CRLF3: variants seen among roughly 807,000 people sequenced by gnomAD.
The protein encoded by CRLF3 is cytokine receptor like factor 3, also known as cytokine receptor-like factor 3.
In CRLF3, 33 loss-of-function variants were observed where a neutral mutation model predicts 55.0. The observed-to-expected ratio is 0.60, with a 90% CI of 0.46 to 0.80. The LOEUF is 0.80. Ranked by LOEUF, CRLF3 falls within the 30% of genes least tolerant of loss-of-function variation. The probability of loss-of-function intolerance (pLI) is 0.00; values close to 1 mark genes in which losing one functional copy is unlikely to be tolerated. For synonymous variants in CRLF3, 238 were observed against 196.8 expected (o/e 1.21, Z -1.75); for missense variants, 494 against 538.4 (o/e 0.92, Z 0.82).
rs938087116 is a variant in CRLF3 at position 30,782,785 on chromosome 17, T to C, written c.*1402A>G. ...TAAACAAGTGGAAATCTACTACTTA[T>C]ATATAAAAAGACAAGTAGAAAAGGT... On this transcript the variant is annotated 3_prime_UTR_variant, in exon 8 of 8. Coordinates refer to ENST00000324238, the MANE Select transcript of CRLF3 (RefSeq NM_015986.4). 6 of 152,160 alleles carry C rather than the reference T, an allele frequency of 3.9e-5. No homozygotes were observed. Among genetic ancestry groups the C allele is most frequent in the Admixed American group, 1.3e-4 (2 of 15,268 alleles). 9.4% of individuals were successfully genotyped at this position (152,160 alleles called of 1,614,324 possible).
At position 30,800,495 on chromosome 17, in the gene CRLF3, T is replaced by C. The variant is rs978879596; in HGVS notation, c.338-3097A>G. 2.6e-5 allele frequency among the ~76,000 whole-genome samples: 4 copies of C among 152,118 alleles called. No homozygotes were observed. The South Asian group carries it at 8.3e-4, about 31-fold the overall frequency. The stretch of plus-strand genomic sequence containing the variant: ...CCACTATTTATTCAGAATCCAAAAG[T>C]AGGCTGATTTTTGTTATCACAAATC... On this transcript the variant is annotated intron_variant, in intron 2 of 7. Transcript: ENST00000324238.
chr17:30,820,181 T>C (rs1210492753), intron 1 of CRLF3, among the ~76,000 whole-genome samples: 1 of 152,126 alleles, frequency 6.6e-6, no homozygotes, highest in African/African-American at 2.4e-5. Context: ...TAACAGACAA[T>C]CCTTGCATTC....
intron 1 of CRLF3, 71 bp downstream of exon 1, chr17:30,824,452 C>G: frequency 6.8e-7 from 1 of 1,475,350 alleles, no homozygotes; most frequent in South Asian, 1.3e-5. Context: ...CCCTCAAAGC[C>G]CTCCCAGCCT....
In CRLF3 at chr17:30,783,891, A is replaced by T. The variant is rs1024957902; in HGVS notation, c.*296T>A. 4 of 248,902 alleles carry T rather than the reference A, an allele frequency of 1.6e-5. No homozygotes were observed. The highest frequency in any genetic ancestry group is 2.3e-5 in the Non-Finnish European group (3 of 130,014). 15.4% of individuals were successfully genotyped at this position (248,902 alleles called of 1,614,324 possible). On this transcript the variant is annotated 3_prime_UTR_variant, in exon 8 of 8. Coordinates refer to ENST00000324238, the MANE Select transcript of CRLF3 (RefSeq NM_015986.4). ...CCTGGTCTAATAACCAACTTTGAGA[A>T]GTACAGTGGAAGGGTATAGAACTTC... is the stretch of plus-strand genomic sequence containing the variant.
intron 4 of CRLF3, among the ~76,000 whole-genome samples, chr17:30,794,207 G>A (rs922067207): frequency 2.0e-5 from 3 of 152,126 alleles, no homozygotes; most frequent in African/African-American, 7.2e-5. Flanking sequence ...CTCCTTTGAA[G>A]AAATGGCATG....
chr17:30,798,323 A>G (rs1213084025), intron 2 of CRLF3, among the ~76,000 whole-genome samples: 5 of 151,948 alleles, frequency 3.3e-5, no homozygotes, highest in Non-Finnish European at 7.4e-5. Context: ...GGTTGCAGTG[A>G]GCCGAGATCA....
intron 1 of CRLF3, among the ~76,000 whole-genome samples, chr17:30,806,715 C>T (rs115924404): frequency 6.6e-6 from 1 of 152,258 alleles, no homozygotes; most frequent in African/African-American, 2.4e-5. Flanking sequence ...CTCACTGCAG[C>T]CTTGAACTCC....
At chr17:30,789,123 A>G (rs1168430309) in intron 6 of CRLF3, among the ~76,000 whole-genome samples, 2 of 152,048 alleles carry the variant, frequency 1.3e-5, no homozygotes, top group Non-Finnish European at 2.9e-5. Flanking sequence ...TCCACAAAGA[A>G]AAAAATGACA....
intron 6 of CRLF3, among the ~76,000 whole-genome samples, chr17:30,788,990 A>T (rs1971719759): frequency 6.6e-6 from 1 of 152,074 alleles, no homozygotes; most frequent in Non-Finnish European, 1.5e-5. Flanking sequence ...GTTTCTCTTG[A>T]TTCAAGTAGG....
intron 6 of CRLF3, chr17:30,786,342 C>G: frequency 5.2e-6 from 1 of 193,996 alleles, no homozygotes; most frequent in Non-Finnish European, 1.1e-5. Flanking sequence ...CGGGTTCAAG[C>G]AGTTCTCTGC....
At chr17:30,796,723 C>T (rs1022645564) in intron 3 of CRLF3, among the ~76,000 whole-genome samples, 3 of 149,238 alleles carry the variant, frequency 2.0e-5, no homozygotes, top group African/African-American at 4.9e-5. Flanking sequence ...GGCAGTGAAA[C>T]GCTTTTTTTT....
In CRLF3 at chr17:30,813,244, CA is replaced by C. The variant is rs1411787228; in HGVS notation, c.130-9137del. ...CGAAAAAAGAATGTCTGCCAAATTA[CA>C]CCCACAACATTCATAAAGGCATTCA... On this transcript the variant is annotated intron_variant, in intron 1 of 7. Transcript: ENST00000324238. Among the ~76,000 whole-genome samples the C allele has an allele frequency of 3.3e-5, 5 of 152,290 alleles. No homozygotes were observed. The South Asian group carries it at 1.0e-3, about 32-fold the overall frequency.
intron 1 of CRLF3, among the ~76,000 whole-genome samples, chr17:30,810,524 C>T (rs1420943914): frequency 1.3e-5 from 2 of 151,830 alleles, no homozygotes; most frequent in Admixed American, 6.6e-5. Flanking sequence ...ATAGTGCCAT[C>T]GCACTCCAGC....
intron 7 of CRLF3, 132 bp from the exon 8 acceptor site, chr17:30,784,575 T>C (rs1971591051): frequency 4.0e-6 from 3 of 745,726 alleles, no homozygotes; most frequent in Non-Finnish European, 6.5e-6. Context: ...CAACTGGACA[T>C]AGATTTTAGA....
chr17:30,824,347 C>T (rs1905078632), intron 1 of CRLF3, among the ~76,000 whole-genome samples, 176 bp downstream of exon 1: 1 of 151,758 alleles, frequency 6.6e-6, no homozygotes, highest in South Asian at 2.1e-4. Flanking sequence ...CCCTTACGAC[C>T]TCCCCAACTC....
At chr17:30,786,252 T>C (rs1471259522) in intron 6 of CRLF3, 3 of 400,054 alleles carry the variant, frequency 7.5e-6, no homozygotes, top group Non-Finnish European at 1.3e-5. Context: ...CTTTTTCTTT[T>C]TTGTTGAGAC....
intron 2 of CRLF3, among the ~76,000 whole-genome samples, chr17:30,803,027 T>C (rs530330529): frequency 1.2e-4 from 18 of 151,706 alleles, no homozygotes; most frequent in Non-Finnish European, 1.5e-5. Context: ...ATTACAGGCA[T>C]GGTGGGACGC....
intron 1 of CRLF3, among the ~76,000 whole-genome samples, chr17:30,811,720 C>T (rs189487751): frequency 1.5e-5 from 2 of 132,772 alleles, no homozygotes; most frequent in African/African-American, 5.7e-5. Flanking sequence ...AGGAAAATTG[C>T]TTGAACCTGG....
intron 4 of CRLF3, among the ~76,000 whole-genome samples, chr17:30,795,698 G>A (rs1252518407): frequency 6.6e-6 from 1 of 152,044 alleles, no homozygotes; most frequent in Non-Finnish European, 1.5e-5. Context: ...CACTTTGGGT[G>A]GCCGAGGCGA....
Sources: gnomAD v4.1 joint callset for allele counts (sites outside exome capture counted in the v4.1 genomes callset) on GRCh38, gnomAD v4.1.1 for gene constraint, MANE v1.5 for transcripts, NCBI Gene and HGNC (gene_info 2026-07-23, HGNC 2026-07-21) for gene names.